Variants in DOCK3 observed in about 807,000 individuals in gnomAD.
DOCK3 encodes dedicator of cytokinesis 3.
In DOCK3, 60 loss-of-function variants were observed where a neutral mutation model predicts 265.6. The ratio of observed to expected loss-of-function variants is 0.23; its 90% CI spans 0.18 to 0.28. DOCK3 has a LOEUF of 0.28. Among genes scored for constraint, DOCK3 ranks in the 10% least tolerant of loss-of-function variants. The pLI is 1.00. For synonymous variants in DOCK3, 881 were observed against 938.0 expected (o/e 0.94, Z 1.11); for missense variants, 1,981 against 2,594.3 (o/e 0.76, Z 5.14).
intron 51 of DOCK3, among the ~76,000 whole-genome samples, chr3:51,377,777 T>A (rs2088257604): frequency 6.6e-6 from 1 of 152,204 alleles, no homozygotes; most frequent in Non-Finnish European, 1.5e-5. Flanking sequence ...AGCCTTCTTC[T>A]CCCATAGCCT....
chr3:50,745,465 G>C (rs1053409396), intron 1 of DOCK3, among the ~76,000 whole-genome samples: 3 of 152,130 alleles, frequency 2.0e-5, no homozygotes, highest in Non-Finnish European at 2.9e-5. Flanking sequence ...GTAATGTTTT[G>C]TAGCTTTCAT....
At chr3:51,274,411 A>G (rs1182917149) in intron 24 of DOCK3, among the ~76,000 whole-genome samples, 3 of 152,214 alleles carry the variant, frequency 2.0e-5, no homozygotes, top group Non-Finnish European at 2.9e-5. Flanking sequence ...AGCGTAGTTC[A>G]TACTAAGTAT....
intron 2 of DOCK3, among the ~76,000 whole-genome samples, chr3:50,817,248 C>T (rs1328200899): frequency 6.6e-6 from 1 of 152,136 alleles, no homozygotes; most frequent in African/African-American, 2.4e-5. Context: ...TGTTAACCTC[C>T]TATCTCGTCC....
At chr3:51,153,008 C>T (rs953310487) in intron 10 of DOCK3, among the ~76,000 whole-genome samples, 1 of 152,236 alleles carries the variant, frequency 6.6e-6, no homozygotes, top group African/African-American at 2.4e-5. Context: ...AAACACTGTG[C>T]AGGGAGAACC....
chr3:50,728,970 C>T lies in DOCK3; in HGVS notation c.38-49705C>T, dbSNP rs866331755. ...AACTCCTGACCTCTAGTGATCTGCC[C>T]GCCTCGGCCTCCCAAAGTGCTGGGA... On this transcript the variant is annotated intron_variant, in intron 1 of 52. Transcript: ENST00000266037. 5.4e-5 allele frequency among the ~76,000 whole-genome samples: 8 copies of T among 147,318 alleles called. No individual in the cohort carries two copies. In the South Asian group the frequency reaches 6.5e-4, roughly 12 times the overall value.
intron 6 of DOCK3, among the ~76,000 whole-genome samples, chr3:51,072,012 A>C (rs2081894813): frequency 6.6e-6 from 1 of 152,138 alleles, no homozygotes; most frequent in Non-Finnish European, 1.5e-5. Flanking sequence ...TTATTCTCTT[A>C]TTTCTCAAGA....
Position 51,348,905 on chromosome 3 carries a change from C to G in DOCK3, c.3969C>G (p.Ser1323Arg). 2.5e-6 allele frequency: 4 copies of G among 1,583,268 alleles called. No individual in the cohort carries two copies. The highest frequency in any genetic ancestry group is 2.3e-5 in the South Asian group (2 of 86,302). The change falls in exon 39 of 53, where the codon AGC becomes AGG. Residue 1323 changes from serine to arginine, a missense_variant. Around this residue, in one of 4 missense-constraint regions of DOCK3, gnomAD observed 1,357 missense variants for 1,866.8 expected, o/e 0.73. Transcript: ENST00000266037. Reference protein sequence around the residue: ...LCRELACQYESLYDYQSLSWI... With the variant: ...LCRELACQYERLYDYQSLSWI... ...GGGAGCTGGCGTGTCAGTACGAGAG[C>G]CTCTATGATTACCAGAGCCTCAGCT...
chr3:51,194,809 C>A (rs2088173335), intron 12 of DOCK3, among the ~76,000 whole-genome samples: 1 of 149,386 alleles, frequency 6.7e-6, no homozygotes, highest in African/African-American at 2.5e-5. Context: ...GTCTTTACTG[C>A]TAAGGTGAAT....
At chr3:51,307,875 A>G (rs1486727101) in intron 27 of DOCK3, among the ~76,000 whole-genome samples, 1 of 101,914 alleles carries the variant, frequency 9.8e-6, no homozygotes, top group Non-Finnish European at 2.0e-5. Flanking sequence ...GTTAAATTAT[A>G]TGGGTTTTTT....
At chr3:51,139,262 G>GC (rs2084941986) in intron 9 of DOCK3, among the ~76,000 whole-genome samples, 1 of 139,368 alleles carries the variant, frequency 7.2e-6, no homozygotes, top group Non-Finnish European at 1.5e-5. Flanking sequence ...AGTGGGGGGA[G>GC]GGCTAAGATG....
chr3:51,247,075 T>A (rs2078875549), intron 22 of DOCK3, among the ~76,000 whole-genome samples: 1 of 152,196 alleles, frequency 6.6e-6, no homozygotes, highest in Non-Finnish European at 1.5e-5. Flanking sequence ...ACCCATAGTA[T>A]CAGTCCTTTC....
intron 49 of DOCK3, among the ~76,000 whole-genome samples, chr3:51,367,910 G>A (rs1003628837): frequency 2.0e-5 from 3 of 152,132 alleles, no homozygotes; most frequent in Non-Finnish European, 4.4e-5. Flanking sequence ...CTTTCTCTCT[G>A]GTGGCCCTCA....
chr3:50,712,571 C>T (rs2036844008), intron 1 of DOCK3, among the ~76,000 whole-genome samples: 1 of 152,184 alleles, frequency 6.6e-6, no homozygotes. Flanking sequence ...CTCCTGACCT[C>T]AACTGATCTG....
chr3:51,330,347 T>G, intron 33 of DOCK3, 124 bp downstream of exon 33: 10 of 777,006 alleles, frequency 1.3e-5, no homozygotes, highest in Non-Finnish European at 1.8e-5. Context: ...ACCTGGGTTG[T>G]TCCTGATGGT....
chr3:51,123,425 C>T (rs2084123362), intron 9 of DOCK3, among the ~76,000 whole-genome samples: 1 of 152,180 alleles, frequency 6.6e-6, no homozygotes, highest in African/African-American at 2.4e-5. Context: ...TGGGGTTCTC[C>T]AAGACCACCC....
chr3:50,858,884 C>T (rs1386999597), intron 3 of DOCK3, among the ~76,000 whole-genome samples: 4 of 151,778 alleles, frequency 2.6e-5, no homozygotes, highest in Non-Finnish European at 5.9e-5. Flanking sequence ...TTTTCTCTGT[C>T]TTATTTTAGA....
intron 12 of DOCK3, among the ~76,000 whole-genome samples, chr3:51,165,069 G>T (rs529969779): frequency 6.6e-6 from 1 of 150,646 alleles, no homozygotes; most frequent in East Asian, 2.0e-4. Context: ...CTCCCGAGTA[G>T]CTGGGACTAC....
chr3:50,962,229 A>T (rs989958236), intron 5 of DOCK3, among the ~76,000 whole-genome samples: 1 of 152,052 alleles, frequency 6.6e-6, no homozygotes, highest in Non-Finnish European at 1.5e-5. Context: ...TTCAACTCCC[A>T]CTTATGAGAT....
Position 51,362,585 on chromosome 3 carries a change from C to G in DOCK3, c.5204C>G (p.Ser1735Trp). ...GTCACCAACGTCTCTGTTCTGTCCT[C>G]GTCCCAGGCAAGCCCTTCTTCCTCC... is the stretch of plus-strand genomic sequence containing the variant. The part of the protein sequence containing the change: ...GSVTNVSVLS[S>W]SQASPSSSSL... Residue 1735 changes from serine to tryptophan, a missense_variant, in exon 49 of 53, where the codon TCG becomes TGG. Ser to Trp is a radical substitution (Grantham distance 177). This residue lies in a region of DOCK3 where 1,357 missense variants were observed against 1,866.8 expected (regional missense o/e 0.73). Transcript: ENST00000266037. 1 of 1,614,018 alleles carries G rather than the reference C, an allele frequency of 6.2e-7. No homozygotes were observed. The highest frequency in any genetic ancestry group is 8.5e-7 in the Non-Finnish European group (1 of 1,179,884).
Sources: gnomAD v4.1 joint callset for allele counts (sites outside exome capture counted in the v4.1 genomes callset) on GRCh38, gnomAD v4.1.1 for gene constraint, gnomAD v4.1.1 regional missense constraint, MANE v1.5 for transcripts, NCBI Gene and HGNC (gene_info 2026-07-23, HGNC 2026-07-21) for gene names.